CNNM2: variants seen among roughly 807,000 people sequenced by gnomAD.
The protein encoded by CNNM2 is metal transporter CNNM2.
Under a neutral mutation model 66.9 loss-of-function variants are expected in CNNM2, and 12 were observed. That is an observed-to-expected ratio of 0.18 (90% CI 0.11 to 0.29). The LOEUF is 0.29. Ranked by LOEUF, CNNM2 falls within the 10% of genes least tolerant of loss-of-function variation. The pLI, the probability that CNNM2 is intolerant of heterozygous loss-of-function variation, is 1.00. For synonymous variants in CNNM2, 557 were observed against 501.8 expected (o/e 1.11, Z -1.47); for missense variants, 705 against 1,167.7 (o/e 0.60, Z 5.77).
chr10:102,994,357 C>CG, intron 1 of CNNM2, among the ~76,000 whole-genome samples: 1 of 152,256 alleles, frequency 6.6e-6, no homozygotes, highest in African/African-American at 2.4e-5. Flanking sequence ...ACAAAATTGC[C>CG]GGAAGGGCTG....
chr10:102,982,725 G>A (rs1312353607), intron 1 of CNNM2, among the ~76,000 whole-genome samples: 2 of 152,294 alleles, frequency 1.3e-5, no homozygotes, highest in East Asian at 3.9e-4. Context: ...GTTCCTACTT[G>A]TTTATGTGAA....
In CNNM2 at chr10:102,919,107, T is replaced by C. The variant is rs1845534315; in HGVS notation, c.627T>C (p.Gly209=). 6.2e-7 allele frequency: 1 copy of C among 1,610,556 alleles called. No homozygotes were observed. ...GCGCCGGCGGCTCGGGGTCCACGGG[T>C]GGCGCCGTCGGGGGCAAGGGTGGCT... The part of the protein sequence containing the change: ...ALGAGGSGST[G]GAVGGKGGSG... The change falls in exon 1 of 8, where the codon GGT becomes GGC. Residue 209 remains glycine, a synonymous_variant. Transcript: ENST00000369878.
chr10:103,028,142 A>G (rs2064742248), intron 1 of CNNM2, among the ~76,000 whole-genome samples: 1 of 152,242 alleles, frequency 6.6e-6, no homozygotes, highest in South Asian at 2.1e-4. Context: ...GTGATGTTCC[A>G]TAAGGCATTT....
chr10:102,940,003 A>AACAAC (rs1554889978), intron 1 of CNNM2, among the ~76,000 whole-genome samples: 1 of 150,656 alleles, frequency 6.6e-6, no homozygotes, highest in Non-Finnish European at 1.5e-5. Flanking sequence ...ACAACAACAA[A>AACAAC]AAAAAAACCG....
At chr10:102,943,998 A>G (rs1305335991) in intron 1 of CNNM2, among the ~76,000 whole-genome samples, 1 of 151,994 alleles carries the variant, frequency 6.6e-6, no homozygotes, top group East Asian at 1.9e-4. Context: ...GTTTACATAT[A>G]TGTAAGATTG....
chr10:102,920,001 C>T lies in CNNM2; in HGVS notation c.1521C>T (p.Asp507=). The stretch of plus-strand genomic sequence containing the variant: ...ACTTGGCCTTCGTGGATCCCGATGA[C>T]TGTACCCCCCTGAAAACCATCACCA... ...VKDLAFVDPD[D]CTPLKTITKF... Residue 507 remains aspartate (D), a synonymous_variant, in exon 1 of 8, where the codon GAC becomes GAT. Coordinates refer to ENST00000369878, the MANE Select transcript of CNNM2 (RefSeq NM_017649.5). The T allele has an allele frequency of 3.1e-6, 5 of 1,614,262 alleles. No homozygotes were observed. Among genetic ancestry groups the T allele is most frequent in the Non-Finnish European group, 4.2e-6 (5 of 1,180,052 alleles).
chr10:102,954,977 C>A (rs553113861), intron 1 of CNNM2, among the ~76,000 whole-genome samples: 1 of 152,202 alleles, frequency 6.6e-6, no homozygotes, highest in South Asian at 2.1e-4. Context: ...AGATTCGATG[C>A]CATCCCCATC....
chr10:102,947,024 T>C (rs1198557563), intron 1 of CNNM2, among the ~76,000 whole-genome samples: 1 of 152,154 alleles, frequency 6.6e-6, no homozygotes, highest in East Asian at 1.9e-4. Flanking sequence ...AGAGTAAATG[T>C]TGATGAGATA....
At chr10:103,076,368 C>T in intron 7 of CNNM2, 98 bp downstream of exon 7, 1 of 1,227,532 alleles carries the variant, frequency 8.1e-7, no homozygotes. Flanking sequence ...CAGAACTCTC[C>T]CTTTGTCACT....
intron 4 of CNNM2, among the ~76,000 whole-genome samples, chr10:103,057,665 A>C (rs2065318330): frequency 6.6e-6 from 1 of 152,178 alleles, no homozygotes; most frequent in Non-Finnish European, 1.5e-5. Context: ...ATGAGGACTT[A>C]AGTTTATACA....
At chr10:103,034,221 A>G (rs143519687) in intron 1 of CNNM2, among the ~76,000 whole-genome samples, 1 of 152,044 alleles carries the variant, frequency 6.6e-6, no homozygotes, top group African/African-American at 2.4e-5. Context: ...AATAAATAAT[A>G]GCAATTCTAC....
chr10:103,046,942 C>T (rs1039684332), intron 1 of CNNM2, among the ~76,000 whole-genome samples: 1 of 152,100 alleles, frequency 6.6e-6, no homozygotes, highest in African/African-American at 2.4e-5. Flanking sequence ...TACCAGTAGA[C>T]CTTTGGACTC....
At chr10:103,043,545 A>G (rs901787802) in intron 1 of CNNM2, among the ~76,000 whole-genome samples, 3 of 152,246 alleles carry the variant, frequency 2.0e-5, no homozygotes, top group Non-Finnish European at 4.4e-5. Context: ...AGGTTAAAAG[A>G]TGCAAATGTG....
At chr10:102,948,798 C>T (rs1016264058) in intron 1 of CNNM2, among the ~76,000 whole-genome samples, 1 of 152,076 alleles carries the variant, frequency 6.6e-6, no homozygotes, top group Admixed American at 6.6e-5. Flanking sequence ...ATGATGACAG[C>T]TGGGTGGTTG....
At chr10:103,034,767 C>T (rs1206808730) in intron 1 of CNNM2, among the ~76,000 whole-genome samples, 3 of 152,024 alleles carry the variant, frequency 2.0e-5, no homozygotes, top group Non-Finnish European at 4.4e-5. Flanking sequence ...CTGATCGAGA[C>T]CATCCTGGCT....
At chr10:103,000,367 A>G (rs1446122740) in intron 1 of CNNM2, among the ~76,000 whole-genome samples, 2 of 152,106 alleles carry the variant, frequency 1.3e-5, no homozygotes, top group Non-Finnish European at 2.9e-5. Context: ...AGCAATTCCA[A>G]TTCTGAGTAT....
chr10:103,038,384 T>G (rs927660389), intron 1 of CNNM2, among the ~76,000 whole-genome samples: 2 of 152,210 alleles, frequency 1.3e-5, no homozygotes, highest in Admixed American at 1.3e-4. Context: ...CAAGACTGTT[T>G]AGCCACTAAT....
At chr10:103,038,893 T>G (rs1424682104) in intron 1 of CNNM2, among the ~76,000 whole-genome samples, 1 of 152,246 alleles carries the variant, frequency 6.6e-6, no homozygotes, top group Non-Finnish European at 1.5e-5. Flanking sequence ...TATATAGGAC[T>G]ATTTTAAGAT....
At chr10:103,010,720 C>G (rs752542068) in intron 1 of CNNM2, among the ~76,000 whole-genome samples, 1 of 152,080 alleles carries the variant, frequency 6.6e-6, no homozygotes, top group African/African-American at 2.4e-5. Flanking sequence ...TCAAGCGATT[C>G]TCCTGCCTCA....
Sources: gnomAD v4.1 joint callset for allele counts (sites outside exome capture counted in the v4.1 genomes callset) on GRCh38, gnomAD v4.1.1 for gene constraint, MANE v1.5 for transcripts, NCBI Gene and HGNC (gene_info 2026-07-23, HGNC 2026-07-21) for gene names.